The following ZCCHC14 variants were observed in gnomAD, a reference collection of about 807,000 sequenced individuals.
The protein encoded by ZCCHC14 is zinc finger CCHC-type containing 14, also known as zinc finger CCHC domain-containing protein 14.
A neutral mutation model predicts 85.0 loss-of-function variants in ZCCHC14; 16 were observed. The observed-to-expected ratio is 0.19, with a 90% CI of 0.13 to 0.29. The LOEUF is 0.29. ZCCHC14 is among the 10% of genes least tolerant of loss of function. The pLI, the probability that ZCCHC14 is intolerant of heterozygous loss-of-function variation, is 1.00. For missense variants in ZCCHC14, 1,303 were observed against 1,443.5 expected, an observed-to-expected ratio of 0.90 and a Z score of 1.58; for synonymous variants, 775 against 630.7, an observed-to-expected ratio of 1.23 and a Z score of -3.43.
intron 7 of ZCCHC14, 55 bp downstream of exon 7, chr16:87,418,792 T>A: frequency 6.5e-7 from 1 of 1,542,452 alleles, no homozygotes; most frequent in Non-Finnish European, 8.9e-7. Flanking sequence ...GAACTCAAAG[T>A]AAACATTGTA....
chr16:87,442,053 G>T (rs975974823), intron 2 of ZCCHC14, among the ~76,000 whole-genome samples: 7 of 152,230 alleles, frequency 4.6e-5, no homozygotes, highest in Admixed American at 3.9e-4. Context: ...AAAAAGGGGA[G>T]CCCCTGGGAA....
intron 2 of ZCCHC14, among the ~76,000 whole-genome samples, chr16:87,440,795 G>C (rs1910146631): frequency 6.6e-6 from 1 of 150,712 alleles, no homozygotes; most frequent in African/African-American, 2.4e-5. Context: ...TTTTTTTGTA[G>C]ACACGGGGTT....
At chr16:87,419,749 T>G in intron 6 of ZCCHC14, 34 bp downstream of exon 6, 1 of 1,531,166 alleles carries the variant, frequency 6.5e-7, no homozygotes, top group Non-Finnish European at 8.8e-7. Context: ...TTTTTTTTTT[T>G]TAATTTATAT....
chr16:87,411,387 G>T (rs570911864), intron 12 of ZCCHC14, 129 bp downstream of exon 12: 9 of 1,513,700 alleles, frequency 5.9e-6, no homozygotes, highest in Non-Finnish European at 7.9e-6. Context: ...AGATTTCCAC[G>T]CGCTTTCAAA....
intron 1 of ZCCHC14, among the ~76,000 whole-genome samples, chr16:87,466,718 C>A (rs1911537262): frequency 6.6e-6 from 1 of 152,210 alleles, no homozygotes; most frequent in Non-Finnish European, 1.5e-5. Context: ...TCTGTGACTG[C>A]ATCTGTGACC....
At chr16:87,434,120 C>G (rs1424849438) in intron 2 of ZCCHC14, among the ~76,000 whole-genome samples, 1 of 152,160 alleles carries the variant, frequency 6.6e-6, no homozygotes, top group African/African-American at 2.4e-5. Flanking sequence ...ACCAGGGAGC[C>G]CGGAAGGCAT....
chr16:87,429,981 C>T (rs910284857), intron 3 of ZCCHC14, among the ~76,000 whole-genome samples: 2 of 152,246 alleles, frequency 1.3e-5, no homozygotes, highest in Non-Finnish European at 2.9e-5. Context: ...TCATCAGCTA[C>T]ATGACTTGCA....
At chr16:87,454,703 A>T (rs1910867635) in intron 2 of ZCCHC14, among the ~76,000 whole-genome samples, 1 of 152,262 alleles carries the variant, frequency 6.6e-6, no homozygotes, top group Non-Finnish European at 1.5e-5. Context: ...AATAGTAAAT[A>T]GTATGGATAA....
At chr16:87,453,689 G>C (rs1467525412) in intron 2 of ZCCHC14, among the ~76,000 whole-genome samples, 1 of 152,210 alleles carries the variant, frequency 6.6e-6, no homozygotes, top group East Asian at 1.9e-4. Context: ...ATTCCCTGTT[G>C]CAAGAGAGAA....
In ZCCHC14 at chr16:87,412,128, C is replaced by T; in HGVS notation, c.2593G>A (p.Ala865Thr). Residue 865 changes from alanine (A) to threonine (T), a missense_variant, in exon 12 of 13, where the codon GCC becomes ACC. Physicochemically the swap from Ala to Thr is moderately conservative, Grantham distance 58. Coordinates refer to ENST00000671377, the MANE Select transcript of ZCCHC14 (RefSeq NM_015144.3). ...ANMATLPSCP[A>T]PSSSPALSSV... ...GACAGCGCCGGGCTGGAGCTGGGGG[C>T]TGGGCAGCTGGGCAACGTGGCCATG... The T allele has an allele frequency of 2.5e-6, 4 of 1,613,744 alleles. No individual in the cohort carries two copies. The highest frequency in any genetic ancestry group is 3.3e-4 in the Middle Eastern group (2 of 6,054).
intron 1 of ZCCHC14, among the ~76,000 whole-genome samples, chr16:87,484,672 G>A (rs1270864403): frequency 6.6e-6 from 1 of 152,206 alleles, no homozygotes; most frequent in African/African-American, 2.4e-5. Context: ...GGCCTTTTCT[G>A]CTAGCTGCTC....
intron 2 of ZCCHC14, among the ~76,000 whole-genome samples, chr16:87,457,422 A>C (rs1911028290): frequency 6.6e-6 from 1 of 152,206 alleles, no homozygotes; most frequent in Non-Finnish European, 1.5e-5. Flanking sequence ...CAGTTCTCCC[A>C]TCTGTAAAAT....
chr16:87,411,968 G>A lies in ZCCHC14; in HGVS notation c.2753C>T (p.Pro918Leu), dbSNP rs1165555798. 5 of 1,602,836 alleles carry A rather than the reference G, an allele frequency of 3.1e-6. No homozygotes were observed. Among genetic ancestry groups the A allele is most frequent in the Non-Finnish European group, 4.3e-6 (5 of 1,175,828 alleles). The change falls in exon 12 of 13, where the codon CCC becomes CTC. Residue 918 changes from proline (P) to leucine (L), a missense_variant. By Grantham distance (98) the Pro-to-Leu change is moderately conservative. Coordinates refer to ENST00000671377, the MANE Select transcript of ZCCHC14 (RefSeq NM_015144.3). The part of the protein sequence containing the change: ...QPPAPPQPAP[P>L]PPGCIVCTSC... ...CGTGCACACAATGCAGCCTGGCGGG[G>A]GTGGGGCGGGCTGCGGGGGTGCCGG...
At chr16:87,468,659 A>G (rs909708066) in intron 1 of ZCCHC14, among the ~76,000 whole-genome samples, 1 of 152,158 alleles carries the variant, frequency 6.6e-6, no homozygotes. Context: ...ATTATTCCCT[A>G]ACCTAGTGGT....
intron 1 of ZCCHC14, among the ~76,000 whole-genome samples, chr16:87,468,205 G>A (rs1911618022): frequency 6.6e-6 from 1 of 152,150 alleles, no homozygotes; most frequent in Non-Finnish European, 1.5e-5. Flanking sequence ...AGTAGGAAGG[G>A]TAGACGTACA....
Position 87,406,551 on chromosome 16 carries a change from C to T in ZCCHC14, c.*3729G>A, listed in dbSNP as rs1350296910. 1.3e-5 allele frequency: 2 copies of T among 152,466 alleles called. No individual in the cohort carries two copies. The highest frequency in any genetic ancestry group is 1.9e-4 in the East Asian group (1 of 5,198). The allele number at this position is 152,466 out of a possible 1,614,324, so 9.4% of individuals were successfully genotyped here. On this transcript the variant is annotated 3_prime_UTR_variant, in exon 13 of 13. Transcript: ENST00000671377. ...TGTCCAATAGAAGCTGTGAAGGTAT[C>T]GAGTACACAAGGTGTCCAGTTTCAG... is the stretch of plus-strand genomic sequence containing the variant.
At chr16:87,482,459 C>T (rs1383897269) in intron 1 of ZCCHC14, among the ~76,000 whole-genome samples, 1 of 152,216 alleles carries the variant, frequency 6.6e-6, no homozygotes, top group Non-Finnish European at 1.5e-5. Context: ...GCCGGCCCGG[C>T]ACACCCAGGC....
intron 3 of ZCCHC14, among the ~76,000 whole-genome samples, chr16:87,426,228 G>A (rs1001103453): frequency 2.0e-5 from 3 of 152,146 alleles, no homozygotes; most frequent in African/African-American, 4.8e-5. Flanking sequence ...AGCCAGAAGG[G>A]GAACCGGCCG....
chr16:87,451,327 C>T (rs1231643295), intron 2 of ZCCHC14, among the ~76,000 whole-genome samples: 2 of 151,892 alleles, frequency 1.3e-5, no homozygotes, highest in Non-Finnish European at 2.9e-5. Context: ...ATCCCAAGCA[C>T]CTGATATTAC....
Sources: gnomAD v4.1 joint callset for allele counts (sites outside exome capture counted in the v4.1 genomes callset) on GRCh38, gnomAD v4.1.1 for gene constraint, MANE v1.5 for transcripts, NCBI Gene and HGNC (gene_info 2026-07-23, HGNC 2026-07-21) for gene names.